Variants in SLC4A4 observed in about 807,000 individuals in gnomAD.
SLC4A4 encodes electrogenic sodium bicarbonate cotransporter 1.
A neutral mutation model predicts 111.5 loss-of-function variants in SLC4A4; 27 were observed. That is an observed-to-expected ratio of 0.24 (90% CI 0.18 to 0.33). The LOEUF (loss-of-function observed/expected upper bound fraction) is 0.33, where lower values mean the gene tolerates loss of function less well. SLC4A4 is among the 10% of genes least tolerant of loss of function. The probability of loss-of-function intolerance (pLI) is 1.00; values close to 1 mark genes in which losing one functional copy is unlikely to be tolerated. For synonymous variants in SLC4A4, 443 were observed against 463.4 expected (o/e 0.96, Z 0.57); for missense variants, 909 against 1,315.5 (o/e 0.69, Z 4.78).
chr4:71,195,876 T>G (rs979570603), intron 1 of SLC4A4, among the ~76,000 whole-genome samples: 1 of 152,246 alleles, frequency 6.6e-6, no homozygotes, highest in Non-Finnish European at 1.5e-5. Context: ...CATGGAAATC[T>G]GTTGGCCTTA....
At position 71,206,086 on chromosome 4, in the gene SLC4A4, T is replaced by C. The variant is rs538029893; in HGVS notation, c.-2+18685T>C. On this transcript the variant is annotated intron_variant, in intron 1 of 25. Coordinates refer to ENST00000264485, the MANE Select transcript of SLC4A4 (RefSeq NM_001098484.3). The stretch of plus-strand genomic sequence containing the variant: ...AATTCTTTGCCTCTCTATAGTTCTT[T>C]CCATAAGCAAAGTAGTTATTTTCCT... 8.1e-4 allele frequency among the ~76,000 whole-genome samples: 124 copies of C among 152,352 alleles called. 2 individuals are homozygous for C. Among genetic ancestry groups the C allele is most frequent in the African/African-American group, 2.7e-3 (113 of 41,592 alleles).
chr4:71,284,997 T>C lies in SLC4A4; in HGVS notation c.253+29598T>C, dbSNP rs77251048. On this transcript the variant is annotated intron_variant, in intron 3 of 25. Transcript: ENST00000264485. ...TATTCCTTAGAGTGAGCTTTCCAAC[T>C]GGTGTCCTGTAGCAGTAGATTACAG... Among the ~76,000 whole-genome samples the C allele has an allele frequency of 4.9e-3, 741 of 152,244 alleles. 4 individuals carry two copies. Among genetic ancestry groups the C allele is most frequent in the Non-Finnish European group, 6.4e-3 (435 of 68,008 alleles).
intron 3 of SLC4A4, among the ~76,000 whole-genome samples, chr4:71,330,059 T>G (rs1471450066): frequency 6.6e-6 from 1 of 152,224 alleles, no homozygotes; most frequent in Non-Finnish European, 1.5e-5. Context: ...CAGCATCAAT[T>G]GAAATGATCG....
chr4:71,257,944 G>C (rs374254647), intron 3 of SLC4A4, among the ~76,000 whole-genome samples: 1 of 152,032 alleles, frequency 6.6e-6, no homozygotes, highest in East Asian at 1.9e-4. Flanking sequence ...TCAGTTTTGC[G>C]GTCACATTTT....
chr4:71,440,642 G>A lies in SLC4A4; in HGVS notation c.834G>A (p.Leu278=), dbSNP rs1404593794. ...TGAAGAATAAGTTCATGAAAAAATT[G>A]CCACGTGATGCAGAAGCTTCCAACG... ...DQLKNKFMKK[L]PRDAEASNVL... is the part of the protein sequence containing the mutation. Residue 278 remains leucine (L), a synonymous_variant, in exon 8 of 26, where the codon TTG becomes TTA. Coordinates refer to ENST00000264485, the MANE Select transcript of SLC4A4 (RefSeq NM_001098484.3). 1 of 1,613,994 alleles carries A rather than the reference G, an allele frequency of 6.2e-7. No homozygotes were observed. Among genetic ancestry groups the A allele is most frequent in the Non-Finnish European group, 8.5e-7 (1 of 1,179,982 alleles).
At chr4:71,421,978 A>G (rs562540750) in intron 7 of SLC4A4, among the ~76,000 whole-genome samples, 1 of 152,278 alleles carries the variant, frequency 6.6e-6, no homozygotes, top group East Asian at 1.9e-4. Flanking sequence ...GCAAGAAATA[A>G]CTAAGATCAG....
At chr4:71,557,614 T>C (rs1290450131) in intron 21 of SLC4A4, 98 bp from the exon 22 acceptor site, 3 of 1,257,090 alleles carry the variant, frequency 2.4e-6, no homozygotes, top group Non-Finnish European at 3.5e-6. Flanking sequence ...GGACACTGCT[T>C]GCCTAAATTA....
In SLC4A4 at chr4:71,363,779, G is replaced by C. The variant is rs527308693; in HGVS notation, c.730+6592G>C. Among the ~76,000 whole-genome samples, 7 of 152,284 alleles carry C rather than the reference G, an allele frequency of 4.6e-5. No individual in the cohort carries two copies. In the South Asian group the frequency reaches 1.5e-3, roughly 32 times the overall value. On this transcript the variant is annotated intron_variant, in intron 6 of 25. Transcript: ENST00000264485. The stretch of plus-strand genomic sequence containing the variant: ...ATTTTCCGTTCATTTTCATAGCACA[G>C]ATGAATGTCCTGACCAGAACCCAAA...
intron 7 of SLC4A4, among the ~76,000 whole-genome samples, chr4:71,416,625 T>G (rs540135528): frequency 6.6e-6 from 1 of 152,266 alleles, no homozygotes; most frequent in African/African-American, 2.4e-5. Context: ...GAGAATTTAA[T>G]AAGATGATGC....
chr4:71,555,078 C>A, intron 20 of SLC4A4, 62 bp from the exon 21 acceptor site: 1 of 1,135,760 alleles, frequency 8.8e-7, no homozygotes, highest in Non-Finnish European at 1.3e-6. Flanking sequence ...TTAAATGATT[C>A]CTCTTCATTC....
intron 4 of SLC4A4, among the ~76,000 whole-genome samples, chr4:71,345,434 T>G (rs1162917763): frequency 6.6e-6 from 1 of 152,276 alleles, no homozygotes; most frequent in East Asian, 1.9e-4. Flanking sequence ...CACTGTTGTA[T>G]GAATGTTTGT....
At chr4:71,206,991 C>T (rs1056015289) in intron 1 of SLC4A4, among the ~76,000 whole-genome samples, 1 of 152,114 alleles carries the variant, frequency 6.6e-6, no homozygotes, top group African/African-American at 2.4e-5. Context: ...GGGGAATTCA[C>T]TTGACATCCA....
rs184940071 is a variant in SLC4A4 at position 71,341,550 on chromosome 4, G to A, written c.389+2045G>A. Among the ~76,000 whole-genome samples, 6 of 152,190 alleles carry A rather than the reference G, an allele frequency of 3.9e-5. No homozygotes were observed. The East Asian group carries it at 1.2e-3, about 29-fold the overall frequency. ...TTTATGGATGAAGAGTCTTTTAAGAGTTAGAGGAATAATTTTTATTTTCTG... is the reference window on the plus strand; with the variant it reads ...TTTATGGATGAAGAGTCTTTTAAGAATTAGAGGAATAATTTTTATTTTCTG... On this transcript the variant is annotated intron_variant, in intron 4 of 25. Coordinates refer to ENST00000264485, the MANE Select transcript of SLC4A4 (RefSeq NM_001098484.3).
intron 6 of SLC4A4, among the ~76,000 whole-genome samples, chr4:71,395,702 A>C (rs1719761312): frequency 6.6e-6 from 1 of 152,192 alleles, no homozygotes; most frequent in East Asian, 1.9e-4. Context: ...CAGTATTTAT[A>C]AAGAGTGCCT....
intron 2 of SLC4A4, among the ~76,000 whole-genome samples, chr4:71,147,469 A>G (rs991468911): frequency 6.6e-6 from 1 of 152,036 alleles, no homozygotes; most frequent in Admixed American, 6.6e-5. Context: ...GAAGCAACCC[A>G]CACACCACAG....
In SLC4A4 at chr4:71,276,874, C is replaced by A. The variant is rs117804307; in HGVS notation, c.253+21475C>A. On this transcript the variant is annotated intron_variant, in intron 3 of 25. Transcript: ENST00000264485. ...ACCAGCCTGGGCAATATGGCAAAAC[C>A]TTGTCTCTACAAAAAAGACAAGAAT... Among the ~76,000 whole-genome samples the A allele has an allele frequency of 5.8e-3, 881 of 151,900 alleles. 38 individuals are homozygous for A. The East Asian group carries it at 0.092, about 16-fold the overall frequency.
At chr4:71,374,392 G>A (rs1732156302) in intron 6 of SLC4A4, among the ~76,000 whole-genome samples, 1 of 152,086 alleles carries the variant, frequency 6.6e-6, no homozygotes, top group Admixed American at 6.5e-5. Context: ...TCAAAAGATT[G>A]TAAGAAATAA....
intron 3 of SLC4A4, among the ~76,000 whole-genome samples, chr4:71,272,439 C>T (rs1016252618): frequency 1.3e-5 from 2 of 152,110 alleles, no homozygotes; most frequent in South Asian, 2.1e-4. Flanking sequence ...TTCTCAGTGG[C>T]GGGATTCAGA....
At chr4:71,217,114 T>G (rs1435613576) in intron 1 of SLC4A4, among the ~76,000 whole-genome samples, 1 of 152,170 alleles carries the variant, frequency 6.6e-6, no homozygotes, top group Non-Finnish European at 1.5e-5. Context: ...GAAATACCAC[T>G]TTAGATTTGC....
Sources: gnomAD v4.1 joint callset for allele counts (sites outside exome capture counted in the v4.1 genomes callset) on GRCh38, gnomAD v4.1.1 for gene constraint, MANE v1.5 for transcripts, NCBI Gene and HGNC (gene_info 2026-07-23, HGNC 2026-07-21) for gene names.